Variants in SCO2 observed in about 807,000 individuals in gnomAD.
The protein encoded by SCO2 is cytochrome c oxidase assembly factor SCO2.
For missense variants in SCO2, 429 were observed against 348.7 expected (o/e 1.23, Z -1.83); for synonymous variants, 195 against 148.6 (o/e 1.31, Z -2.27).
In SCO2 at chr22:50,524,208, C is replaced by CCCGAACAGGCCTGTGATCAGCAG; in HGVS notation, c.181_203dup (p.Ala69CysfsTer2). 6.2e-7 allele frequency: 1 copy of CCCGAACAGGCCTGTGATCAGCAG among 1,608,422 alleles called. No individual in the cohort carries two copies. Among genetic ancestry groups the CCCGAACAGGCCTGTGATCAGCAG allele is most frequent in the East Asian group, 2.2e-5 (1 of 44,878 alleles). The stretch of plus-strand genomic sequence containing the variant: ...CCAGCCAGGCCCCACCGAGTCCAGC[C>CCCGAACAGGCCTGTGATCAGCAG]CCGAACAGGCCTGTGATCAGCAGCC... On this transcript the variant is annotated stop_gained and frameshift_variant, in exon 2 of 2. Coordinates refer to ENST00000395693, the MANE Select transcript of SCO2 (RefSeq NM_005138.3). LOFTEE classifies it low-confidence loss of function (END_TRUNC).
upstream of SCO2, chr22:50,526,149 G>A (rs966013497): frequency 2.0e-6 from 3 of 1,472,264 alleles, no homozygotes; most frequent in Non-Finnish European, 2.7e-6. Context: ...TGCCTGCGGG[G>A]AGAGGGGCTG....
At chr22:50,525,953 C>A (rs376232702), upstream of SCO2, 204 of 1,393,064 alleles carry the variant, frequency 1.5e-4, 1 homozygote, top group East Asian at 4.4e-3. Flanking sequence ...GCCGCGCGGC[C>A]GGAGCTGGGC....
chr22:50,525,616 G>T, upstream of SCO2: 1 of 1,187,944 alleles, frequency 8.4e-7, no homozygotes, highest in Non-Finnish European at 1.2e-6. Flanking sequence ...CTGCGCATGC[G>T]CACACGGGCG....
At chr22:50,526,106 G>A (rs894634068), upstream of SCO2, 4 of 1,489,780 alleles carry the variant, frequency 2.7e-6, no homozygotes, top group African/African-American at 1.5e-5. Flanking sequence ...TGCAGCACCA[G>A]CGCCAGCGGC....
At chr22:50,524,497 G>C in intron 1 of SCO2, 73 bp from the exon 2 acceptor site, 5 of 1,396,794 alleles carry the variant, frequency 3.6e-6, no homozygotes, top group Non-Finnish European at 5.0e-6. Context: ...CCTGCGACTT[G>C]AGACCAGCCA....
chr22:50,526,244 A>C, upstream of SCO2: 1 of 1,540,414 alleles, frequency 6.5e-7, no homozygotes, highest in Non-Finnish European at 8.7e-7. Context: ...CCCGACGCTC[A>C]CCATCTGCGG....
At chr22:50,526,011 C>A, upstream of SCO2, 1 of 1,462,934 alleles carries the variant, frequency 6.8e-7, no homozygotes, top group Non-Finnish European at 9.0e-7. Flanking sequence ...CACGGCGCAG[C>A]CTCTGACCCA....
rs569666866 is a variant in SCO2, at chr22:50,524,445, C to T, written c.-13-21G>A. 88 of 1,606,972 alleles carry T rather than the reference C, an allele frequency of 5.5e-5. 5 individuals are homozygous for T. The South Asian group carries it at 6.8e-4, about 12-fold the overall frequency. On this transcript the variant is annotated intron_variant, in intron 1 of 1. Coordinates refer to ENST00000395693, the MANE Select transcript of SCO2 (RefSeq NM_005138.3). ...TGCTCCTGGAAACAAGCACAGGCGT[C>T]AGGAGCCAGAAGGGAAGGCCCAGGA... is the stretch of plus-strand genomic sequence containing the variant.
At chr22:50,525,315 G>A (rs1245139774) in intron 1 of SCO2, 157 bp downstream of exon 1, 7 of 240,564 alleles carry the variant, frequency 2.9e-5, no homozygotes, top group African/African-American at 1.4e-4. Flanking sequence ...GGTGCCTGCT[G>A]GGAGCCTCCC....
intron 1 of SCO2, chr22:50,524,861 C>T: frequency 2.8e-6 from 1 of 361,520 alleles, no homozygotes; most frequent in Non-Finnish European, 5.5e-6. Context: ...CCACTTCAAC[C>T]AACCGCGGCC....
chr22:50,524,910 C>T (rs938306545), intron 1 of SCO2: 51 of 175,308 alleles, frequency 2.9e-4, no homozygotes, highest in African/African-American at 1.3e-3. Context: ...CACGACCTAC[C>T]CCCGGAGCTC....
chr22:50,524,572 A>C (rs1394910802), intron 1 of SCO2, 148 bp from the exon 2 acceptor site: 1 of 756,778 alleles, frequency 1.3e-6, no homozygotes, highest in Non-Finnish European at 2.4e-6. Context: ...ACCTGAGCTC[A>C]GAACTCCACC....
upstream of SCO2, chr22:50,525,631 C>G (rs993040913): frequency 3.0e-6 from 4 of 1,332,742 alleles, no homozygotes; most frequent in South Asian, 5.1e-5. Context: ...CGGGCGCAGC[C>G]GCTGACAGGC....
upstream of SCO2, chr22:50,525,952 C>T: frequency 4.2e-6 from 6 of 1,413,452 alleles, no homozygotes; most frequent in Non-Finnish European, 5.5e-6. Flanking sequence ...GGCCGCGCGG[C>T]CGGAGCTGGG....
Position 50,524,334 on chromosome 22 carries a change from CAGGGT to C in SCO2, c.73_77del (p.Thr25GlyfsTer55). On this transcript the variant is annotated frameshift_variant, in exon 2 of 2. Transcript: ENST00000395693. LOFTEE classifies it low-confidence loss of function (END_TRUNC). ...ACCTCAGATGCAGGGCCTGGCCTCCCAGGGTCCCAGGGAGGACCCGAGGCTTGAGC... is the reference window on the plus strand; with the variant it reads ...ACCTCAGATGCAGGGCCTGGCCTCCCCCCAGGGAGGACCCGAGGCTTGAGC... 1 of 1,601,772 alleles carries C rather than the reference CAGGGT, an allele frequency of 6.2e-7. No homozygotes were observed. The highest frequency in any genetic ancestry group is 8.5e-7 in the Non-Finnish European group (1 of 1,179,918).
Position 50,525,581 on chromosome 22 carries a change from AG to A in SCO2, c.-124del. On this transcript the variant is annotated 5_prime_UTR_variant, in exon 1 of 2. Coordinates refer to ENST00000395693, the MANE Select transcript of SCO2 (RefSeq NM_005138.3). ...GGGAAAGCGGGCGCCACACGCTCAC[AG>A]GCAGGGCGCAGGCGTCCCCGGAGCT... 1.2e-6 allele frequency: 1 copy of A among 856,126 alleles called. No individual in the cohort carries two copies. The highest frequency in any genetic ancestry group is 1.8e-6 in the Non-Finnish European group (1 of 551,434). 53.0% of individuals were successfully genotyped at this position (856,126 alleles called of 1,614,324 possible).
upstream of SCO2, chr22:50,525,956 A>G (rs2069342148): frequency 2.1e-6 from 3 of 1,398,578 alleles, no homozygotes; most frequent in Non-Finnish European, 2.8e-6. Context: ...GCGCGGCCGG[A>G]GCTGGGCGGG....
upstream of SCO2, chr22:50,525,805 G>C: frequency 6.2e-7 from 1 of 1,610,748 alleles, no homozygotes; most frequent in Non-Finnish European, 8.5e-7. Flanking sequence ...TCTGCGAAGG[G>C]CGAGGGGGCG....
chr22:50,523,915 GTGA>G lies in SCO2; in HGVS notation c.494_496del (p.Ile165del). The G allele has an allele frequency of 6.2e-7, 1 of 1,613,692 alleles. No homozygotes were observed. Among genetic ancestry groups the G allele is most frequent in the Non-Finnish European group, 8.5e-7 (1 of 1,179,900 alleles). On this transcript the variant is annotated inframe_deletion, in exon 2 of 2. Transcript: ENST00000395693. ...AACGTCGTCCCGCTCGGGGTCCACA[GTGA>G]TGAAGACAGGCTGCACTGGAGGCAA...
Sources: allele counts gnomAD v4.1 joint callset, GRCh38; gene constraint gnomAD v4.1.1; transcripts MANE v1.5; gene names NCBI Gene and HGNC (gene_info 2026-07-23, HGNC 2026-07-21).